SNX4: variants seen among roughly 807,000 people sequenced by gnomAD.
SNX4 encodes sorting nexin-4.
Under a neutral mutation model 70.8 loss-of-function variants are expected in SNX4, and 49 were observed. The observed-to-expected ratio is 0.69, with a 90% CI of 0.55 to 0.88. The LOEUF is 0.88. SNX4 is among the 40% of genes least tolerant of loss of function. The pLI, the probability that SNX4 is intolerant of heterozygous loss-of-function variation, is 0.00. For missense variants in SNX4, 528 were observed against 544.8 expected (o/e 0.97, Z 0.31); for synonymous variants, 206 against 183.8 (o/e 1.12, Z -0.98).
intron 2 of SNX4, among the ~76,000 whole-genome samples, chr3:125,501,643 G>A (rs900409360): frequency 1.3e-5 from 2 of 150,422 alleles, no homozygotes; most frequent in Non-Finnish European, 3.0e-5. Flanking sequence ...AAGGTCCATC[G>A]CCCATCTGTA....
chr3:125,496,988 A>C (rs1179739366), intron 5 of SNX4, among the ~76,000 whole-genome samples: 1 of 152,092 alleles, frequency 6.6e-6, no homozygotes, highest in Non-Finnish European at 1.5e-5. Context: ...AACAGGACAG[A>C]AGAAAAAAAG....
chr3:125,482,006 C>A (rs1934422497), intron 6 of SNX4, among the ~76,000 whole-genome samples: 1 of 152,024 alleles, frequency 6.6e-6, no homozygotes, highest in Non-Finnish European at 1.5e-5. Context: ...ACAGCTGAGA[C>A]TACATATGGG....
intron 5 of SNX4, among the ~76,000 whole-genome samples, chr3:125,495,218 G>C (rs1934756861): frequency 8.1e-6 from 1 of 123,158 alleles, no homozygotes; most frequent in Non-Finnish European, 1.7e-5. Context: ...ATGACCTCCA[G>C]ATAAGTGAAA....
At chr3:125,512,106 C>T (rs1580012006) in intron 1 of SNX4, among the ~76,000 whole-genome samples, 2 of 152,254 alleles carry the variant, frequency 1.3e-5, no homozygotes, top group East Asian at 3.9e-4. Context: ...ATAAGAGAGA[C>T]AGCAGGAAAT....
chr3:125,486,482 C>T (rs549230996), intron 6 of SNX4, among the ~76,000 whole-genome samples: 2 of 151,996 alleles, frequency 1.3e-5, no homozygotes, highest in African/African-American at 2.4e-5. Context: ...AGGAGATTGC[C>T]GGGCGTGGTG....
At chr3:125,507,191 G>GAAAAAA (rs753584700) in intron 1 of SNX4, among the ~76,000 whole-genome samples, 5 of 90,752 alleles carry the variant, frequency 5.5e-5, no homozygotes, top group Admixed American at 1.2e-4. Context: ...CTGGGTGATA[G>GAAAAAA]AAAAAAAAAA....
intron 8 of SNX4, among the ~76,000 whole-genome samples, chr3:125,472,075 C>T (rs970766383): frequency 9.9e-5 from 15 of 152,128 alleles, no homozygotes; most frequent in Non-Finnish European, 1.8e-4. Flanking sequence ...ACATCTGTTG[C>T]TTCATGTCAG....
At chr3:125,489,938 C>T (rs558444276) in intron 5 of SNX4, among the ~76,000 whole-genome samples, 410 of 152,034 alleles carry the variant, frequency 2.7e-3, no homozygotes, top group Non-Finnish European at 4.6e-3. Flanking sequence ...CCAGCCTGGC[C>T]AACATGATGA....
chr3:125,505,048 C>T (rs1935018795), intron 1 of SNX4, among the ~76,000 whole-genome samples: 2 of 152,208 alleles, frequency 1.3e-5, no homozygotes, highest in South Asian at 4.1e-4. Context: ...CAGCTCACTG[C>T]AACCTTCACC....
intron 9 of SNX4, among the ~76,000 whole-genome samples, chr3:125,464,564 C>CTTTTTTTTTT (rs778518316): frequency 6.0e-5 from 4 of 67,054 alleles, no homozygotes; most frequent in Non-Finnish European, 1.1e-4. Context: ...ATTTATCTTT[C>CTTTTTTTTTT]TTTTTTTTTT....
At chr3:125,519,960 C>A in intron 1 of SNX4, 72 bp downstream of exon 1, 2 of 1,262,208 alleles carry the variant, frequency 1.6e-6, no homozygotes, top group Non-Finnish European at 2.1e-6. Context: ...CCCAGCCCAG[C>A]CCAGCCCAGC....
chr3:125,471,855 T>C (rs932955045), intron 8 of SNX4, among the ~76,000 whole-genome samples: 1 of 152,218 alleles, frequency 6.6e-6, no homozygotes, highest in Non-Finnish European at 1.5e-5. Flanking sequence ...ATAGCCCTTT[T>C]TTAGGCTTAT....
chr3:125,485,699 C>T (rs192394880), intron 6 of SNX4, among the ~76,000 whole-genome samples: 2 of 152,276 alleles, frequency 1.3e-5, no homozygotes, highest in East Asian at 3.9e-4. Flanking sequence ...TTCTTTACAA[C>T]TTGTGCAACT....
At chr3:125,493,779 C>T (rs1048900926) in intron 5 of SNX4, among the ~76,000 whole-genome samples, 5 of 151,990 alleles carry the variant, frequency 3.3e-5, no homozygotes, top group African/African-American at 1.2e-4. Flanking sequence ...CGCCTGTAAT[C>T]CCAGCACTTT....
At chr3:125,471,344 C>CA (rs767432586) in intron 8 of SNX4, among the ~76,000 whole-genome samples, 701 of 28,092 alleles carry the variant, frequency 0.025, 83 homozygotes, top group South Asian at 0.036. Flanking sequence ...AGCTCCATCT[C>CA]AAAAAAAAAA....
intron 7 of SNX4, among the ~76,000 whole-genome samples, chr3:125,479,494 G>A (rs1934356303): frequency 6.6e-6 from 1 of 151,936 alleles, no homozygotes; most frequent in Admixed American, 6.6e-5. Flanking sequence ...GGTGGAGGTT[G>A]CAGTGAGCTG....
chr3:125,485,874 TC>T (rs1934514026), intron 6 of SNX4, among the ~76,000 whole-genome samples: 1 of 152,144 alleles, frequency 6.6e-6, no homozygotes, highest in Non-Finnish European at 1.5e-5. Context: ...GGAGTCTTGC[TC>T]TGTTGCCCAG....
intron 6 of SNX4, among the ~76,000 whole-genome samples, chr3:125,487,720 A>C (rs1934562229): frequency 6.6e-6 from 1 of 151,900 alleles, no homozygotes; most frequent in Non-Finnish European, 1.5e-5. Flanking sequence ...GAAAGAAGCC[A>C]ATCTCAATGT....
chr3:125,509,443 A>T (rs927185190), intron 1 of SNX4, among the ~76,000 whole-genome samples: 6 of 151,556 alleles, frequency 4.0e-5, no homozygotes, highest in African/African-American at 1.2e-4. Context: ...AACTCCCAAA[A>T]CTCAACAACA....
Sources: gnomAD v4.1 joint callset for allele counts (sites outside exome capture counted in the v4.1 genomes callset) on GRCh38, gnomAD v4.1.1 for gene constraint, MANE v1.5 for transcripts, NCBI Gene and HGNC (gene_info 2026-07-23, HGNC 2026-07-21) for gene names.